Variants in RBM45 observed in about 807,000 individuals in gnomAD.
RBM45 encodes RNA binding motif protein 45.
RBM45 carries 39 observed loss-of-function variants against 58.5 expected under a neutral mutation model. The observed-to-expected ratio is 0.67, with a 90% CI of 0.52 to 0.87. The LOEUF (loss-of-function observed/expected upper bound fraction) is 0.87, where lower values mean the gene tolerates loss of function less well. Among genes scored for constraint, RBM45 ranks in the 40% least tolerant of loss-of-function variants. The pLI is 0.00. For missense variants in RBM45, 481 were observed against 581.6 expected, an observed-to-expected ratio of 0.83 and a Z score of 1.78; for synonymous variants, 193 against 203.0, an observed-to-expected ratio of 0.95 and a Z score of 0.42.
intron 2 of RBM45, 27 bp from the exon 3 acceptor site, chr2:178,118,027 CT>C (rs1437269849): frequency 1.3e-6 from 2 of 1,519,844 alleles, no homozygotes; most frequent in Non-Finnish European, 1.8e-6. Flanking sequence ...TTTAAGTCCC[CT>C]AAAATCATGT....
exon 4 of RBM45, chr2:178,136,925 A>T (rs966153534): frequency 2.0e-5 from 3 of 152,250 alleles, no homozygotes; most frequent in Admixed American, 6.5e-5. Context: ...TTGTGAAATA[A>T]GTAACTAAAT....
chr2:178,132,132 A>G (rs11886139), downstream of RBM45, among the ~76,000 whole-genome samples: 39,737 of 152,098 alleles, frequency 0.26, 5,306 homozygotes, highest in Non-Finnish European at 0.28. Flanking sequence ...AAGAAATAAC[A>G]TTTAAAATAA....
rs1407794757 is a variant in RBM45 at position 178,125,221 on chromosome 2, A to G, written c.1233-763A>G. Among the ~76,000 whole-genome samples, 3 of 152,318 alleles carry G rather than the reference A, an allele frequency of 2.0e-5. No individual in the cohort carries two copies. In the East Asian group the frequency reaches 5.8e-4, roughly 29 times the overall value. On this transcript the variant is annotated intron_variant, in intron 8 of 9. Transcript: ENST00000286070. ...GAACCTCCTCTTTGTTCAAGGCAGG[A>G]ACTGTGCTAAGTACAAGAGACATGT...
At position 178,124,124 on chromosome 2, in the gene RBM45, C is replaced by T; in HGVS notation, c.1069-3C>T. 6.3e-7 allele frequency: 1 copy of T among 1,582,390 alleles called. No homozygotes were observed. Among genetic ancestry groups the T allele is most frequent in the Non-Finnish European group, 8.5e-7 (1 of 1,171,022 alleles). ...CTTTTTCTTGTTTTCTACCTGTTAA[C>T]AGCAATTTGGAGGAAGCTCTGGATC... On this transcript the variant is annotated splice_polypyrimidine_tract_variant and splice_region_variant and intron_variant, in intron 7 of 9. Coordinates refer to ENST00000286070, the MANE Select transcript of RBM45 (RefSeq NM_152945.4).
chr2:178,112,550 G>A lies in RBM45; in HGVS notation c.4G>A (p.Asp2Asn). M[D>N]EAGSSASGGG... ...TCCTGCATTCGGGTGGAGCACCATG[G>A]ACGAAGCTGGCAGCTCTGCGAGCGG... Residue 2 changes from aspartate to asparagine, a missense_variant, in exon 1 of 10, where the codon GAC becomes AAC. Physicochemically the swap from Asp to Asn is conservative, Grantham distance 23. Coordinates refer to ENST00000286070, the MANE Select transcript of RBM45 (RefSeq NM_152945.4). 1 of 1,612,890 alleles carries A rather than the reference G, an allele frequency of 6.2e-7. No individual in the cohort carries two copies. Among genetic ancestry groups the A allele is most frequent in the East Asian group, 2.2e-5 (1 of 44,856 alleles).
At chr2:178,114,535 G>A (rs2087746970) in intron 1 of RBM45, among the ~76,000 whole-genome samples, 1 of 152,136 alleles carries the variant, frequency 6.6e-6, no homozygotes, top group Non-Finnish European at 1.5e-5. Flanking sequence ...TGACTATTCA[G>A]TTTTAGCCAG....
chr2:178,117,187 C>G (rs1173732908), intron 2 of RBM45, among the ~76,000 whole-genome samples: 3 of 152,118 alleles, frequency 2.0e-5, no homozygotes, highest in Non-Finnish European at 2.9e-5. Context: ...CAAACTTTCT[C>G]TCCTACCCCA....
downstream of RBM45, chr2:178,134,037 A>G (rs942053252): frequency 6.6e-6 from 1 of 152,230 alleles, no homozygotes; most frequent in Non-Finnish European, 1.5e-5. Flanking sequence ...AGCTCCCACT[A>G]TACTTTGAGA....
At chr2:178,122,668 T>A (rs1258652852) in intron 5 of RBM45, among the ~76,000 whole-genome samples, 2 of 152,182 alleles carry the variant, frequency 1.3e-5, no homozygotes, top group Admixed American at 6.5e-5. Context: ...GTTTCTCTGG[T>A]TGGATGTGTC....
At chr2:178,115,820 G>A (rs568876283) in intron 1 of RBM45, among the ~76,000 whole-genome samples, 1 of 152,128 alleles carries the variant, frequency 6.6e-6, no homozygotes, top group South Asian at 2.1e-4. Context: ...ATACATTTGG[G>A]AAAAACACAA....
downstream of RBM45, among the ~76,000 whole-genome samples, chr2:178,130,678 G>C (rs1048951811): frequency 1.3e-5 from 2 of 152,054 alleles, no homozygotes; most frequent in African/African-American, 4.8e-5. Flanking sequence ...TTTATAAAAA[G>C]GTATTATAAA....
chr2:178,134,963 C>T (rs1285165817), intron 3 of RBM45, among the ~76,000 whole-genome samples: 2 of 152,112 alleles, frequency 1.3e-5, no homozygotes, highest in Admixed American at 6.5e-5. Flanking sequence ...GCCAAGATTT[C>T]GCCACTGCAC....
Position 178,123,827 on chromosome 2 carries a change from G to C in RBM45, c.984-1G>C. On this transcript the variant is annotated splice_acceptor_variant, in intron 6 of 9. Coordinates refer to ENST00000286070, the MANE Select transcript of RBM45 (RefSeq NM_152945.4). LOFTEE classifies it high-confidence loss of function. ...TGTAAATTATCAGTTATTTTTTCCA[G>C]TCTCCTTAGAAAAATGGCAACACAG... 1.2e-6 allele frequency: 2 copies of C among 1,612,982 alleles called. No homozygotes were observed. The highest frequency in any genetic ancestry group is 1.7e-6 in the Non-Finnish European group (2 of 1,179,658).
chr2:178,119,862 A>C (rs538951950), intron 3 of RBM45, among the ~76,000 whole-genome samples: 2 of 152,330 alleles, frequency 1.3e-5, no homozygotes, highest in African/African-American at 4.8e-5. Flanking sequence ...AATTGAAGAG[A>C]ATCTAAATTA....
chr2:178,130,592 CAA>C (rs201085781), downstream of RBM45, among the ~76,000 whole-genome samples: 1 of 150,042 alleles, frequency 6.7e-6, no homozygotes, highest in Admixed American at 6.6e-5. Context: ...AAAACTTTAA[CAA>C]AAAAAAATTA....
exon 4 of RBM45, chr2:178,136,841 TAAGTAAGCTGTGG>T (rs1433737884): frequency 1.3e-5 from 2 of 152,130 alleles, no homozygotes; most frequent in Admixed American, 6.5e-5. Context: ...AGCACTTACT[TAAGTAAGCTGTGG>T]AAGAGCTGAA....
At chr2:178,127,842 G>A (rs1324884394) in intron 9 of RBM45, among the ~76,000 whole-genome samples, 3 of 151,814 alleles carry the variant, frequency 2.0e-5, no homozygotes, top group Non-Finnish European at 4.4e-5. Flanking sequence ...TCTTAAAAAG[G>A]ACAATAATAT....
downstream of RBM45, among the ~76,000 whole-genome samples, chr2:178,131,013 G>A (rs554427234): frequency 2.8e-4 from 43 of 152,322 alleles, no homozygotes; most frequent in African/African-American, 9.9e-4. Flanking sequence ...AGGCTGAGGC[G>A]GTAGGAGTGC....
Position 178,121,199 on chromosome 2 carries a change from A to G in RBM45, c.693A>G (p.Ser231=), listed in dbSNP as rs772776164. The G allele has an allele frequency of 8.4e-6, 13 of 1,553,462 alleles. No homozygotes were observed. The South Asian group carries it at 1.4e-4, about 17-fold the overall frequency. The change falls in exon 5 of 10, where the codon TCA becomes TCG. Residue 231 remains serine (S), a synonymous_variant. Coordinates refer to ENST00000286070, the MANE Select transcript of RBM45 (RefSeq NM_152945.4). ...MFPFEQQSEF[S]SFDKNDSRGQ... The stretch of plus-strand genomic sequence containing the variant: ...TCGGAGAACAACAATCTGAATTTTC[A>G]AGTTTTGACAAGAATGATAGCCGAG...
Sources: gnomAD v4.1 joint callset for allele counts (sites outside exome capture counted in the v4.1 genomes callset) on GRCh38, gnomAD v4.1.1 for gene constraint, MANE v1.5 for transcripts, NCBI Gene and HGNC (gene_info 2026-07-23, HGNC 2026-07-21) for gene names.